Variants in TENM3 observed in about 807,000 individuals in gnomAD.
TENM3 encodes teneurin-3.
TENM3 carries 63 observed loss-of-function variants against 255.1 expected under a neutral mutation model. That is an observed-to-expected ratio of 0.25 (90% confidence interval 0.20 to 0.30). The LOEUF is 0.30. Ranked by LOEUF, TENM3 falls within the 10% of genes least tolerant of loss-of-function variation. The pLI is 1.00. For missense variants in TENM3, 2,929 were observed against 3,461.1 expected (o/e 0.85, Z 3.86); for synonymous variants, 1,306 against 1,322.3 (o/e 0.99, Z 0.27).
chr4:181,972,644 T>A, the TENM3 span, among the ~76,000 whole-genome samples: 1 of 152,032 alleles, frequency 6.6e-6, no homozygotes, highest in Admixed American at 6.6e-5. Context: ...CAGAGACATG[T>A]GGAGACAACA....
At chr4:182,223,257 T>G (rs182387005) in intron 1 of TENM3, among the ~76,000 whole-genome samples, 79 of 152,344 alleles carry the variant, frequency 5.2e-4, no homozygotes, top group Admixed American at 2.7e-3. Context: ...CCTCATCTGC[T>G]GCAGTGAATC....
chr4:181,660,167 A>G, the TENM3 span, among the ~76,000 whole-genome samples: 1 of 152,312 alleles, frequency 6.6e-6, no homozygotes, highest in Middle Eastern at 3.4e-3. Flanking sequence ...TACTGGGAAC[A>G]CCATTGTGGG....
At chr4:181,993,501 C>T in the TENM3 span, among the ~76,000 whole-genome samples, 2 of 152,130 alleles carry the variant, frequency 1.3e-5, no homozygotes, top group Non-Finnish European at 2.9e-5. Context: ...TGTGGCGAGG[C>T]ATTTTTGTAT....
At chr4:182,130,055 G>C in the TENM3 span, among the ~76,000 whole-genome samples, 1 of 152,124 alleles carries the variant, frequency 6.6e-6, no homozygotes, top group African/African-American at 2.4e-5. Context: ...CTCCAAATTA[G>C]ATTGTGATAT....
chr4:181,793,980 A>G, the TENM3 span, among the ~76,000 whole-genome samples: 1 of 152,108 alleles, frequency 6.6e-6, no homozygotes, highest in Non-Finnish European at 1.5e-5. Flanking sequence ...GTGTTTCCAC[A>G]TTAATAACAC....
chr4:181,600,501 G>A, the TENM3 span, among the ~76,000 whole-genome samples: 26 of 152,136 alleles, frequency 1.7e-4, no homozygotes, highest in South Asian at 1.9e-3. Context: ...AAGTTTTCCC[G>A]GAAGCCAAGG....
chr4:181,952,720 G>A, the TENM3 span, among the ~76,000 whole-genome samples: 94 of 152,342 alleles, frequency 6.2e-4, 2 homozygotes, highest in Non-Finnish European at 3.7e-4. Flanking sequence ...ATACAAGTCT[G>A]CAGGCAGGAC....
At chr4:181,817,114 CT>C in the TENM3 span, among the ~76,000 whole-genome samples, 1 of 152,188 alleles carries the variant, frequency 6.6e-6, no homozygotes. Context: ...GTACACAGGG[CT>C]GTGGCTGCTG....
At chr4:181,513,796 C>T in the TENM3 span, among the ~76,000 whole-genome samples, 277 of 152,020 alleles carry the variant, frequency 1.8e-3, 2 homozygotes, top group South Asian at 0.022. Context: ...TCCCTGTAAT[C>T]GTTCCTGAAG....
the TENM3 span, among the ~76,000 whole-genome samples, chr4:181,526,024 A>T: frequency 1.3e-5 from 2 of 152,342 alleles, no homozygotes; most frequent in East Asian, 3.9e-4. Flanking sequence ...AGAATCTCTC[A>T]TTCAGCTTTC....
the TENM3 span, among the ~76,000 whole-genome samples, chr4:181,850,003 C>T: frequency 1.5e-5 from 2 of 129,078 alleles, no homozygotes; most frequent in African/African-American, 5.2e-5. Context: ...TTCCTCCAGC[C>T]CCCGACCTTG....
chr4:181,691,686 G>A, the TENM3 span, among the ~76,000 whole-genome samples: 1 of 152,088 alleles, frequency 6.6e-6, no homozygotes, highest in East Asian at 1.9e-4. Context: ...ATTATACAAT[G>A]TGATCAACCA....
chr4:182,100,490 T>TAC, the TENM3 span, among the ~76,000 whole-genome samples: 1 of 140,994 alleles, frequency 7.1e-6, no homozygotes, highest in Non-Finnish European at 1.5e-5. Flanking sequence ...CACATATATA[T>TAC]ATATACACAC....
rs752793508 is a variant in TENM3, at chr4:182,793,733, A to G, written c.7061A>G (p.Glu2354Gly). 15 of 1,613,886 alleles carry G rather than the reference A, an allele frequency of 9.3e-6. No homozygotes were observed. The African/African-American group carries it at 1.9e-4, about 20-fold the overall frequency. Residue 2354 changes from glutamate (E) to glycine (G), a missense_variant, in exon 26 of 28, where the codon GAA becomes GGA. Physicochemically the swap from Glu to Gly is moderately conservative, Grantham distance 98. Coordinates refer to ENST00000511685, the MANE Select transcript of TENM3 (RefSeq NM_001080477.4). The surrounding 1 kb of genome is among the most constrained non-coding windows in gnomAD (Gnocchi z 5.7). ...CTCACCAAATTAATCCACTTTGGAG[A>G]AAGAGATTATGACATTTTGGCAGGA... The part of the protein sequence containing the change: ...DPLTKLIHFG[E>G]RDYDILAGRW...
chr4:182,203,629 G>A (rs1330315544), intron 1 of TENM3, among the ~76,000 whole-genome samples: 1 of 152,176 alleles, frequency 6.6e-6, no homozygotes, highest in East Asian at 1.9e-4. Flanking sequence ...GCTTTGCTGG[G>A]CCTGTATCCT....
chr4:182,274,709 G>A (rs1298799738), intron 1 of TENM3, among the ~76,000 whole-genome samples: 2 of 152,154 alleles, frequency 1.3e-5, no homozygotes, highest in African/African-American at 2.4e-5. Context: ...TTTGAGCTCT[G>A]AAACTTGCAA....
At chr4:181,457,747 A>C in the TENM3 span, among the ~76,000 whole-genome samples, 1 of 151,998 alleles carries the variant, frequency 6.6e-6, no homozygotes, top group South Asian at 2.1e-4. Flanking sequence ...AGCATTCTAA[A>C]AGAGGAATAC....
chr4:181,744,192 T>C, the TENM3 span, among the ~76,000 whole-genome samples: 3 of 152,232 alleles, frequency 2.0e-5, no homozygotes, highest in Non-Finnish European at 4.4e-5. Flanking sequence ...CCATGGTGTA[T>C]ATGTACCACA....
the TENM3 span, among the ~76,000 whole-genome samples, chr4:181,849,949 T>TCTCTCTCTCTCACA: frequency 1.2e-3 from 81 of 65,948 alleles, no homozygotes; most frequent in Admixed American, 3.3e-3. Context: ...TCTCTCTCTC[T>TCTCTCTCTCTCACA]CACACACACA....
Sources: allele counts gnomAD v4.1 joint callset (sites outside exome capture counted in the v4.1 genomes callset), GRCh38; gene constraint gnomAD v4.1.1; non-coding constraint Gnocchi (gnomAD v3.1); transcripts MANE v1.5; gene names NCBI Gene and HGNC (gene_info 2026-07-23, HGNC 2026-07-21).